MAL2: variants seen among roughly 807,000 people sequenced by gnomAD.
MAL2 encodes mal, T cell differentiation protein 2, also known as protein MAL2.
In MAL2, 17 loss-of-function variants were observed where a neutral mutation model predicts 18.1. That is an observed-to-expected ratio of 0.94 (90% CI 0.64 to 1.41). The LOEUF (loss-of-function observed/expected upper bound fraction) is 1.41, where lower values mean the gene tolerates loss of function less well. MAL2 is among the 40% of genes most tolerant of loss of function. The pLI is 0.00. For synonymous variants in MAL2, 102 were observed against 102.3 expected (o/e 1.00, Z 0.02); for missense variants, 222 against 231.9 (o/e 0.96, Z 0.28).
intron 2 of MAL2, among the ~76,000 whole-genome samples, chr8:119,225,806 G>GC (rs1466648621): frequency 6.6e-6 from 1 of 152,114 alleles, no homozygotes; most frequent in African/African-American, 2.4e-5. Context: ...TTTAATGATT[G>GC]CCATTCTAAC....
At chr8:119,219,272 T>G (rs1431322623) in intron 1 of MAL2, among the ~76,000 whole-genome samples, 1 of 152,234 alleles carries the variant, frequency 6.6e-6, no homozygotes, top group Non-Finnish European at 1.5e-5. Flanking sequence ...AAGTGATCAT[T>G]TATGCTTTCA....
intron 2 of MAL2, 25 bp downstream of exon 2, chr8:119,221,782 A>G: frequency 1.9e-6 from 3 of 1,610,272 alleles, no homozygotes; most frequent in East Asian, 2.2e-5. Context: ...TTTTAAGTCT[A>G]TTGCAGGAAG....
chr8:119,237,059 GA>G (rs1331216218), intron 2 of MAL2, among the ~76,000 whole-genome samples: 1 of 151,802 alleles, frequency 6.6e-6, no homozygotes, highest in African/African-American at 2.4e-5. Flanking sequence ...GACTAATAAA[GA>G]AAAAAAGAAG....
At chr8:119,217,043 C>T (rs1817368392) in intron 1 of MAL2, among the ~76,000 whole-genome samples, 2 of 152,228 alleles carry the variant, frequency 1.3e-5, no homozygotes, top group Admixed American at 6.5e-5. Flanking sequence ...TTCATGCACC[C>T]AGAATTGCAA....
chr8:119,239,707 G>A (rs1818004422), intron 2 of MAL2, among the ~76,000 whole-genome samples: 1 of 151,530 alleles, frequency 6.6e-6, no homozygotes. Flanking sequence ...ACTCATAGGT[G>A]GGAATTGAAC....
intron 2 of MAL2, among the ~76,000 whole-genome samples, chr8:119,234,043 G>C (rs1026320302): frequency 2.0e-5 from 3 of 152,154 alleles, no homozygotes; most frequent in African/African-American, 7.2e-5. Context: ...TTCCATCTGA[G>C]GTACCGGGTT....
chr8:119,219,722 A>G (rs1817432796), intron 1 of MAL2, among the ~76,000 whole-genome samples: 1 of 152,144 alleles, frequency 6.6e-6, no homozygotes, highest in Non-Finnish European at 1.5e-5. Flanking sequence ...TGGGATGCAG[A>G]GACATATAAA....
chr8:119,219,520 G>GGTGTGT (rs143315878), intron 1 of MAL2, among the ~76,000 whole-genome samples: 1 of 148,012 alleles, frequency 6.8e-6, no homozygotes, highest in African/African-American at 2.5e-5. Flanking sequence ...ACTCTCCCTG[G>GGTGTGT]GTGTGTGTGT....
rs1422731530 is a variant in MAL2, at chr8:119,208,773, G to C, written c.132+169G>C. On this transcript the variant is annotated intron_variant, in intron 1 of 3. Coordinates refer to ENST00000614891, the MANE Select transcript of MAL2 (RefSeq NM_052886.3). This position sits in a 1 kb window ranked among gnomAD's most constrained non-coding sequence, Gnocchi z 4.3. ...CTCTCGGTGCCCCGCGCCGCCGCCC[G>C]GGCCCTCCCTCCTAGCACCTGTTAC... 2 of 1,081,494 alleles carry C rather than the reference G, an allele frequency of 1.8e-6. No individual in the cohort carries two copies. Among genetic ancestry groups the C allele is most frequent in the African/African-American group, 1.6e-5 (1 of 61,074 alleles). 67.0% of individuals were successfully genotyped at this position (1,081,494 alleles called of 1,614,324 possible).
At chr8:119,239,518 C>T (rs938883632) in intron 2 of MAL2, among the ~76,000 whole-genome samples, 2 of 151,966 alleles carry the variant, frequency 1.3e-5, no homozygotes, top group Non-Finnish European at 1.5e-5. Context: ...TTGGAACCAA[C>T]CCAAATGTCC....
intron 3 of MAL2, 86 bp from the exon 4 acceptor site, chr8:119,243,331 T>G: frequency 4.2e-6 from 4 of 950,802 alleles, no homozygotes; most frequent in Non-Finnish European, 6.0e-6. Flanking sequence ...AGATTGTTGG[T>G]CAAACTTCAT....
intron 2 of MAL2, among the ~76,000 whole-genome samples, chr8:119,238,533 A>C (rs1446904108): frequency 2.0e-5 from 3 of 150,642 alleles, no homozygotes; most frequent in South Asian, 4.3e-4. Flanking sequence ...CTATACTACA[A>C]GGCTACAGTA....
chr8:119,216,136 G>A (rs1471037134), intron 1 of MAL2, among the ~76,000 whole-genome samples: 1 of 152,032 alleles, frequency 6.6e-6, no homozygotes, highest in Non-Finnish European at 1.5e-5. Context: ...CTGAACTTCT[G>A]GGTGGGGGGG....
At position 119,241,345 on chromosome 8, in the gene MAL2, T is replaced by C. The variant is rs1356823034; in HGVS notation, c.459+1025T>C. 3.9e-5 allele frequency among the ~76,000 whole-genome samples: 6 copies of C among 151,962 alleles called. 1 individual carries two copies. Among genetic ancestry groups the C allele is most frequent in the African/African-American group, 1.2e-4 (5 of 41,354 alleles). ...GAGTTTGAGACCAGCCTGGTCAACA[T>C]AGCAAAACCTTGTCTCTGAAAAAGG... On this transcript the variant is annotated intron_variant, in intron 3 of 3. Transcript: ENST00000614891.
At chr8:119,233,716 G>C (rs1282905841) in intron 2 of MAL2, among the ~76,000 whole-genome samples, 1 of 151,980 alleles carries the variant, frequency 6.6e-6, no homozygotes, top group Non-Finnish European at 1.5e-5. Flanking sequence ...TCCAGGACCA[G>C]ATGGATTCAC....
At chr8:119,237,391 C>A (rs1409073090) in intron 2 of MAL2, among the ~76,000 whole-genome samples, 2 of 151,646 alleles carry the variant, frequency 1.3e-5, no homozygotes, top group African/African-American at 4.9e-5. Context: ...CCTTCTGCAA[C>A]TATTCCAATC....
Position 119,244,128 on chromosome 8 carries a change from C to T in MAL2, c.*640C>T, listed in dbSNP as rs185739823. On this transcript the variant is annotated 3_prime_UTR_variant, in exon 4 of 4. Transcript: ENST00000614891. ...GTTTAGCCTGTGGGCCATAGTTTGT[C>T]AACCACTGGTGTAAAACCTTAGTTA... 6.6e-6 allele frequency: 1 copy of T among 152,262 alleles called. No homozygotes were observed. The highest frequency in any genetic ancestry group is 6.5e-5 in the Admixed American group (1 of 15,270). 9.4% of individuals were successfully genotyped at this position (152,262 alleles called of 1,614,324 possible).
At position 119,234,664 on chromosome 8, in the gene MAL2, C is replaced by G. The variant is rs2432982; in HGVS notation, c.304-5501C>G. ...GGGTCCCTGACCCCTGACCCCGGAA[C>G]AGCCTAACTGGGAGGCACCCCCCAG... On this transcript the variant is annotated intron_variant, in intron 2 of 3. Coordinates refer to ENST00000614891, the MANE Select transcript of MAL2 (RefSeq NM_052886.3). Among the ~76,000 whole-genome samples the G allele has an allele frequency of 8.6e-5, 13 of 151,368 alleles. No homozygotes were observed. In the East Asian group the frequency reaches 1.2e-3, roughly 14 times the overall value.
At chr8:119,214,074 G>A (rs1817306725) in intron 1 of MAL2, among the ~76,000 whole-genome samples, 1 of 152,222 alleles carries the variant, frequency 6.6e-6, no homozygotes, top group South Asian at 2.1e-4. Flanking sequence ...GGTGGTAGGA[G>A]CTGTGGACAT....
Sources: allele counts gnomAD v4.1 joint callset (sites outside exome capture counted in the v4.1 genomes callset), GRCh38; gene constraint gnomAD v4.1.1; non-coding constraint Gnocchi (gnomAD v3.1); transcripts MANE v1.5; gene names NCBI Gene and HGNC (gene_info 2026-07-23, HGNC 2026-07-21).